The following RSRC1 variants were observed in gnomAD, a reference collection of about 807,000 sequenced individuals.
The protein encoded by RSRC1 is serine/Arginine-related protein 53.
In RSRC1, 39 loss-of-function variants were observed where a neutral mutation model predicts 49.1. The ratio of observed to expected loss-of-function variants is 0.79; its 90% CI spans 0.61 to 1.04. RSRC1 has a LOEUF of 1.04. Among genes scored for constraint, RSRC1 ranks in the 50% least tolerant of loss-of-function variants. The pLI is 0.00. For synonymous variants in RSRC1, 143 were observed against 130.8 expected, an observed-to-expected ratio of 1.09 and a Z score of -0.63; for missense variants, 388 against 402.4, an observed-to-expected ratio of 0.96 and a Z score of 0.31.
intron 7 of RSRC1, among the ~76,000 whole-genome samples, chr3:158,525,203 A>G (rs1029507675): frequency 1.3e-5 from 2 of 152,004 alleles, no homozygotes; most frequent in African/African-American, 4.8e-5. Flanking sequence ...TATATAAAGA[A>G]CTCATAACTC....
At chr3:158,395,521 T>C (rs1055912304) in intron 6 of RSRC1, among the ~76,000 whole-genome samples, 5 of 152,062 alleles carry the variant, frequency 3.3e-5, no homozygotes, top group African/African-American at 1.2e-4. Flanking sequence ...GAGAAGGACA[T>C]GAACAGGCAC....
intron 1 of RSRC1, among the ~76,000 whole-genome samples, chr3:158,112,009 A>G (rs1319846375): frequency 6.6e-6 from 1 of 152,198 alleles, no homozygotes; most frequent in Non-Finnish European, 1.5e-5. Context: ...TAGTCATTAC[A>G]TGCCATGGCT....
chr3:158,230,849 C>G (rs991171999), intron 4 of RSRC1, among the ~76,000 whole-genome samples: 15 of 151,944 alleles, frequency 9.9e-5, no homozygotes, highest in Non-Finnish European at 1.9e-4. Flanking sequence ...AATTATGAAA[C>G]ATAAATACAA....
intron 6 of RSRC1, among the ~76,000 whole-genome samples, chr3:158,381,417 A>C (rs1283812565): frequency 6.6e-6 from 1 of 152,228 alleles, no homozygotes; most frequent in Non-Finnish European, 1.5e-5. Context: ...TACAGTAAGA[A>C]GTGATCTCTC....
intron 4 of RSRC1, among the ~76,000 whole-genome samples, chr3:158,277,012 A>G (rs1400092312): frequency 6.6e-6 from 1 of 152,194 alleles, no homozygotes; most frequent in Non-Finnish European, 1.5e-5. Flanking sequence ...AAAGGGCTAA[A>G]CAGTATATAT....
chr3:158,422,850 G>A (rs1392314673), intron 6 of RSRC1, among the ~76,000 whole-genome samples: 3 of 150,452 alleles, frequency 2.0e-5, no homozygotes, highest in South Asian at 2.1e-4. Flanking sequence ...TTTTTCATGT[G>A]TTTTTTGGCT....
At chr3:158,466,123 C>T (rs2108413323) in intron 7 of RSRC1, among the ~76,000 whole-genome samples, 1 of 152,232 alleles carries the variant, frequency 6.6e-6, no homozygotes, top group Non-Finnish European at 1.5e-5. Flanking sequence ...CAACCTGTTT[C>T]TCAGTTTCAG....
intron 5 of RSRC1, among the ~76,000 whole-genome samples, chr3:158,300,674 A>G (rs932404758): frequency 6.6e-5 from 10 of 152,210 alleles, no homozygotes; most frequent in African/African-American, 2.4e-4. Context: ...AAAATATATG[A>G]TAATATTAAA....
At chr3:158,463,385 T>G (rs960185969) in intron 7 of RSRC1, among the ~76,000 whole-genome samples, 3 of 152,118 alleles carry the variant, frequency 2.0e-5, no homozygotes, top group African/African-American at 4.8e-5. Context: ...TTTATTTTAT[T>G]TCATATAATT....
At chr3:158,311,364 C>T (rs59661293) in intron 5 of RSRC1, among the ~76,000 whole-genome samples, 3 of 151,582 alleles carry the variant, frequency 2.0e-5, no homozygotes, top group African/African-American at 4.8e-5. Context: ...TCCAGAACAG[C>T]GTATTCTTCA....
At chr3:158,410,313 A>G (rs1374920504) in intron 6 of RSRC1, among the ~76,000 whole-genome samples, 3 of 152,028 alleles carry the variant, frequency 2.0e-5, no homozygotes, top group Non-Finnish European at 4.4e-5. Context: ...TCTACCTGAA[A>G]TACTTACCTC....
intron 5 of RSRC1, among the ~76,000 whole-genome samples, chr3:158,337,689 A>G (rs970364508): frequency 1.3e-5 from 2 of 152,170 alleles, no homozygotes; most frequent in African/African-American, 4.8e-5. Flanking sequence ...AGATACCTCC[A>G]TTATGTTAAG....
intron 6 of RSRC1, among the ~76,000 whole-genome samples, chr3:158,426,804 A>T (rs952088641): frequency 7.9e-5 from 12 of 151,836 alleles, no homozygotes; most frequent in Non-Finnish European, 1.6e-4. Context: ...ATAATGTTCT[A>T]AAAAAATTGT....
intron 6 of RSRC1, among the ~76,000 whole-genome samples, chr3:158,390,790 T>A (rs1455047116): frequency 2.6e-5 from 4 of 152,126 alleles, no homozygotes; most frequent in Admixed American, 6.6e-5. Context: ...CAAGTGAAAT[T>A]TGTCAATGAG....
rs564463699 is a variant in RSRC1 at position 158,326,642 on chromosome 3, T to C, written c.532-28215T>C. Among the ~76,000 whole-genome samples, 5 of 152,322 alleles carry C rather than the reference T, an allele frequency of 3.3e-5. No homozygotes were observed. The East Asian group carries it at 5.8e-4, about 18-fold the overall frequency. On this transcript the variant is annotated intron_variant, in intron 5 of 9. Coordinates refer to ENST00000611884, the MANE Select transcript of RSRC1 (RefSeq NM_001271838.2). ...CTGGATTTGGTTTGCCAGTATTTTA[T>C]TGAGGATTGTTGCATCAGTGTTCAT...
chr3:158,468,063 C>A (rs1315498241), intron 7 of RSRC1, among the ~76,000 whole-genome samples: 1 of 152,062 alleles, frequency 6.6e-6, no homozygotes, highest in Non-Finnish European at 1.5e-5. Flanking sequence ...CCTCCCGAGT[C>A]GCTGGTACTA....
chr3:158,379,562 G>A (rs1435294704), intron 6 of RSRC1, among the ~76,000 whole-genome samples: 2 of 151,918 alleles, frequency 1.3e-5, no homozygotes, highest in African/African-American at 2.4e-5. Flanking sequence ...TTAAGAATCC[G>A]ATGAGCTATC....
intron 4 of RSRC1, among the ~76,000 whole-genome samples, chr3:158,263,284 A>G (rs1724997513): frequency 6.6e-6 from 1 of 152,246 alleles, no homozygotes; most frequent in African/African-American, 2.4e-5. Context: ...TGAAACGATT[A>G]TACTGCTTTT....
intron 3 of RSRC1, among the ~76,000 whole-genome samples, chr3:158,135,627 A>G (rs1005580465): frequency 5.3e-5 from 8 of 151,682 alleles, no homozygotes; most frequent in African/African-American, 1.9e-4. Flanking sequence ...TTTCCCTCCA[A>G]TTTTTTTCTT....
Sources: allele counts gnomAD v4.1 joint callset (sites outside exome capture counted in the v4.1 genomes callset), GRCh38; gene constraint gnomAD v4.1.1; transcripts MANE v1.5; gene names NCBI Gene and HGNC (gene_info 2026-07-23, HGNC 2026-07-21).